The following PLCB4 variants were observed in gnomAD, a reference collection of about 807,000 sequenced individuals.
PLCB4 encodes phospholipase C beta 4, also known as 1-phosphatidylinositol 4,5-bisphosphate phosphodiesterase beta-4.
In PLCB4, 77 loss-of-function variants were observed where a neutral mutation model predicts 178.8. The observed-to-expected ratio is 0.43, with a 90% CI of 0.36 to 0.52. The LOEUF is 0.52. Ranked by LOEUF, PLCB4 falls within the 20% of genes least tolerant of loss-of-function variation. The pLI is 0.00. For synonymous variants in PLCB4, 496 were observed against 490.8 expected, an observed-to-expected ratio of 1.01 and a Z score of -0.14; for missense variants, 1,024 against 1,453.4, an observed-to-expected ratio of 0.70 and a Z score of 4.80.
At chr20:9,370,944 C>G (rs2036201679) in intron 9 of PLCB4, 1 of 350,370 alleles carries the variant, frequency 2.9e-6, no homozygotes, top group Non-Finnish European at 5.2e-6. Flanking sequence ...GTGTGTCCCT[C>G]CAGTGCCGCT....
At chr20:9,219,332 G>C (rs2147281230) in intron 3 of PLCB4, among the ~76,000 whole-genome samples, 1 of 152,284 alleles carries the variant, frequency 6.6e-6, no homozygotes, top group Non-Finnish European at 1.5e-5. Flanking sequence ...AGCCAGGCAT[G>C]GTGGTGGGCG....
chr20:9,393,272 G>C (rs1249464813), intron 17 of PLCB4, among the ~76,000 whole-genome samples: 1 of 152,122 alleles, frequency 6.6e-6, no homozygotes, highest in African/African-American at 2.4e-5. Context: ...ATACTTAAAA[G>C]GTGCAAGGCC....
At chr20:9,262,332 TGA>T (rs138950513) in intron 3 of PLCB4, among the ~76,000 whole-genome samples, 18 of 145,746 alleles carry the variant, frequency 1.2e-4, no homozygotes, top group Non-Finnish European at 1.7e-4. Flanking sequence ...AGTGAGTGAG[TGA>T]GAGAGAGAGA....
intron 4 of PLCB4, among the ~76,000 whole-genome samples, chr20:9,314,203 G>A (rs2094871583): frequency 1.3e-5 from 2 of 152,202 alleles, no homozygotes; most frequent in African/African-American, 4.8e-5. Context: ...TTACTTTCCA[G>A]CCCAGGGCAT....
Position 9,338,936 on chromosome 20 carries a change from G to C in PLCB4, c.268G>C (p.Glu90Gln), listed in dbSNP as rs1246660819. ...TGCTCTTGAAGCTGTTGGAAAATCAGAAAATGATCTGGAAGGGCGGATAGT... is the reference window on the plus strand; with the variant it reads ...TGCTCTTGAAGCTGTTGGAAAATCACAAAATGATCTGGAAGGGCGGATAGT... ...LAALEAVGKS[E>Q]NDLEGRIVCV... Residue 90 changes from glutamate to glutamine, a missense_variant, in exon 7 of 40, where the codon GAA becomes CAA. Glu to Gln is a conservative substitution (Grantham distance 29, BLOSUM62 2). This residue lies in a region of PLCB4 where 225 missense variants were observed against 291.0 expected (regional missense o/e 0.77). Coordinates refer to ENST00000378473, the MANE Select transcript of PLCB4 (RefSeq NM_001377142.1). The C allele has an allele frequency of 4.3e-6, 7 of 1,613,342 alleles. No homozygotes were observed. Among genetic ancestry groups the C allele is most frequent in the Non-Finnish European group, 5.9e-6 (7 of 1,179,638 alleles).
intron 3 of PLCB4, among the ~76,000 whole-genome samples, chr20:9,274,615 A>T (rs1014198094): frequency 6.6e-6 from 1 of 152,112 alleles, no homozygotes; most frequent in Non-Finnish European, 1.5e-5. Context: ...AATATCCCAC[A>T]TAGGGTTAAA....
chr20:9,194,692 CAAAAAA>C (rs555217572), intron 2 of PLCB4, among the ~76,000 whole-genome samples: 3 of 40,804 alleles, frequency 7.4e-5, no homozygotes, highest in Non-Finnish European at 1.6e-4. Flanking sequence ...GACTCCATCT[CAAAAAA>C]AAAAAAAAAA....
At chr20:9,398,215 C>T (rs938455010) in intron 19 of PLCB4, among the ~76,000 whole-genome samples, 1 of 152,106 alleles carries the variant, frequency 6.6e-6, no homozygotes, top group Admixed American at 6.5e-5. Flanking sequence ...ATGTTTTATT[C>T]ATCGAAGCAG....
chr20:9,191,044 T>C (rs1227772601), intron 2 of PLCB4, among the ~76,000 whole-genome samples: 1 of 152,232 alleles, frequency 6.6e-6, no homozygotes, highest in Non-Finnish European at 1.5e-5. Context: ...TTCAGTAGAC[T>C]AATTTTTCAT....
chr20:9,383,760 G>A (rs2037346907), intron 13 of PLCB4, among the ~76,000 whole-genome samples: 1 of 152,188 alleles, frequency 6.6e-6, no homozygotes. Context: ...TTTTTAAAGA[G>A]CACCTCTCGT....
chr20:9,448,075 C>G (rs2042525087), intron 32 of PLCB4, among the ~76,000 whole-genome samples: 1 of 152,178 alleles, frequency 6.6e-6, no homozygotes, highest in Non-Finnish European at 1.5e-5. Flanking sequence ...ATAAACTCCT[C>G]TCCTCTGCAT....
intron 3 of PLCB4, among the ~76,000 whole-genome samples, chr20:9,225,716 AT>A (rs1338151394): frequency 2.0e-5 from 3 of 152,150 alleles, no homozygotes; most frequent in African/African-American, 7.2e-5. Context: ...TGAAATATGG[AT>A]TTTTTCCCCT....
At position 9,307,912 on chromosome 20, in the gene PLCB4, A is replaced by G. The variant is rs1323221356; in HGVS notation, c.84+14A>G. 3 of 1,108,740 alleles carry G rather than the reference A, an allele frequency of 2.7e-6. No individual in the cohort carries two copies. The highest frequency in any genetic ancestry group is 2.0e-5 in the Admixed American group (1 of 50,574). The allele number at this position is 1,108,740 out of a possible 1,614,324, so 68.7% of individuals were successfully genotyped here. Reference sequence around the variant, plus strand: ...AGATACGAGGAGGTAAAGAAGTGTTATTAATCTTTTCTCTCAAAACATTCT... The same window carrying G: ...AGATACGAGGAGGTAAAGAAGTGTTGTTAATCTTTTCTCTCAAAACATTCT... On this transcript the variant is annotated intron_variant, in intron 4 of 39. Transcript: ENST00000378473.
intron 3 of PLCB4, among the ~76,000 whole-genome samples, chr20:9,275,894 C>T (rs139732851): frequency 1.3e-5 from 2 of 152,172 alleles, no homozygotes; most frequent in Non-Finnish European, 2.9e-5. Flanking sequence ...ATTGACCATA[C>T]TTGTCCAGTG....
At chr20:9,165,668 T>C (rs2092957710) in intron 2 of PLCB4, among the ~76,000 whole-genome samples, 1 of 152,150 alleles carries the variant, frequency 6.6e-6, no homozygotes, top group Admixed American at 6.6e-5. Context: ...TTAGTGTGGA[T>C]TGGCCATCCT....
chr20:9,136,917 C>T (rs1406280265), intron 2 of PLCB4, among the ~76,000 whole-genome samples: 1 of 152,012 alleles, frequency 6.6e-6, no homozygotes, highest in African/African-American at 2.4e-5. Flanking sequence ...GCTTCCTTGC[C>T]CTCTGGCTTT....
At chr20:9,412,508 T>C (rs1396054217) in intron 25 of PLCB4, among the ~76,000 whole-genome samples, 1 of 152,150 alleles carries the variant, frequency 6.6e-6, no homozygotes, top group Non-Finnish European at 1.5e-5. Flanking sequence ...AAAATGTCTT[T>C]TTTCTAGAAC....
Position 9,365,533 on chromosome 20 carries a change from C to G in PLCB4, c.503+19C>G, listed in dbSNP as rs1178807438. ...TTAGGAGGTAAGTAATCATTCCTAT[C>G]TGCTGTCCGTGTCCCGGGTCAACGC... On this transcript the variant is annotated intron_variant, in intron 9 of 39. Coordinates refer to ENST00000378473, the MANE Select transcript of PLCB4 (RefSeq NM_001377142.1). 1 of 1,532,250 alleles carries G rather than the reference C, an allele frequency of 6.5e-7. No homozygotes were observed. The highest frequency in any genetic ancestry group is 1.4e-5 in the African/African-American group (1 of 73,268). The allele number at this position is 1,532,250 out of a possible 1,614,324, so 94.9% of individuals were successfully genotyped here. A position where few individuals can be genotyped will look rare whatever the true frequency, so the allele number is the denominator to read the frequency against.
At chr20:9,084,128 T>C (rs189809034) in intron 1 of PLCB4, among the ~76,000 whole-genome samples, 10 of 152,312 alleles carry the variant, frequency 6.6e-5, no homozygotes, top group Middle Eastern at 3.4e-3. Flanking sequence ...GTTTAGAGAG[T>C]ATTTGCTTTC....
Sources: allele counts gnomAD v4.1 joint callset (sites outside exome capture counted in the v4.1 genomes callset), GRCh38; gene constraint gnomAD v4.1.1; regional missense constraint gnomAD v4.1.1; transcripts MANE v1.5; gene names NCBI Gene and HGNC (gene_info 2026-07-23, HGNC 2026-07-21).